The following WDR70 variants were observed in gnomAD, a reference collection of about 807,000 sequenced individuals.
WDR70 encodes WD repeat domain 70.
WDR70 carries 53 observed loss-of-function variants against 88.6 expected under a neutral mutation model. That is an observed-to-expected ratio of 0.60 (90% CI 0.48 to 0.75). WDR70 has a LOEUF of 0.75. Ranked by LOEUF, WDR70 falls within the 30% of genes least tolerant of loss-of-function variation. WDR70 has a pLI of 0.00. For missense variants in WDR70, 610 were observed against 823.2 expected (o/e 0.74, Z 3.17); for synonymous variants, 280 against 270.0 (o/e 1.04, Z -0.36).
intron 7 of WDR70, among the ~76,000 whole-genome samples, chr5:37,452,730 G>T (rs540516935): frequency 5.9e-5 from 9 of 152,320 alleles, no homozygotes; most frequent in African/African-American, 2.2e-4. Flanking sequence ...CTGTCTTGAA[G>T]ATATGGAAAC....
chr5:37,731,583 AT>A (rs1748145859), intron 17 of WDR70, among the ~76,000 whole-genome samples: 2 of 152,076 alleles, frequency 1.3e-5, no homozygotes, highest in African/African-American at 4.8e-5. Context: ...AGTATTTTCC[AT>A]TATTATTAGG....
At chr5:37,469,657 G>A (rs777288432) in intron 7 of WDR70, among the ~76,000 whole-genome samples, 2 of 152,320 alleles carry the variant, frequency 1.3e-5, no homozygotes, top group South Asian at 4.1e-4. Context: ...AGATGCTAAA[G>A]AGTAGTTGCT....
At chr5:37,408,404 G>C in intron 5 of WDR70, among the ~76,000 whole-genome samples, 1 of 152,192 alleles carries the variant, frequency 6.6e-6, no homozygotes, top group Non-Finnish European at 1.5e-5. Context: ...AACCTGGGAG[G>C]TGGAGGTTCC....
chr5:37,701,179 A>G (rs1236385411), intron 12 of WDR70, 37 bp downstream of exon 12: 6 of 1,288,444 alleles, frequency 4.7e-6, no homozygotes. Flanking sequence ...TCAGCATAGA[A>G]GAATGGAAAA....
In WDR70 at chr5:37,636,039, T is replaced by G. The variant is rs186742568; in HGVS notation, c.1092+30801T>G. Among the ~76,000 whole-genome samples, 405 of 152,330 alleles carry G rather than the reference T, an allele frequency of 2.7e-3. 2 individuals carry two copies. The highest frequency in any genetic ancestry group is 6.8e-3 in the Middle Eastern group (2 of 294). ...TGAGGCCTCCCTAGCCCTGTGGAAC[T>G]GTAAGTCAATTAAACCTCTTTCCTT... On this transcript the variant is annotated intron_variant, in intron 10 of 17. Transcript: ENST00000265107.
chr5:37,380,388 G>T (rs1369170189), intron 2 of WDR70, among the ~76,000 whole-genome samples: 4 of 152,052 alleles, frequency 2.6e-5, no homozygotes, highest in African/African-American at 9.7e-5. Flanking sequence ...GCCCAGGCTG[G>T]AGTGCGGTGG....
intron 5 of WDR70, among the ~76,000 whole-genome samples, chr5:37,413,614 G>C (rs1749593914): frequency 2.0e-5 from 3 of 151,896 alleles, no homozygotes; most frequent in Admixed American, 2.0e-4. Context: ...CCAGCTACTT[G>C]GGAGGCTGAG....
chr5:37,646,072 G>A (rs1329974849), intron 10 of WDR70, among the ~76,000 whole-genome samples: 1 of 151,620 alleles, frequency 6.6e-6, no homozygotes, highest in Non-Finnish European at 1.5e-5. Flanking sequence ...TTTAGTGAAG[G>A]TGATTTTCTC....
rs190640461 is a variant in WDR70, at chr5:37,456,873, G to C, written c.686+13501G>C. ...AAGGGATATTTGAAAACTAAAACTA[G>C]CCAAAGGAAATGAATTAATAGGTAA... On this transcript the variant is annotated intron_variant, in intron 7 of 17. Transcript: ENST00000265107. Among the ~76,000 whole-genome samples the C allele has an allele frequency of 2.8e-3, 423 of 152,178 alleles. 2 individuals are homozygous for C. Among genetic ancestry groups the C allele is most frequent in the African/African-American group, 9.7e-3 (404 of 41,512 alleles).
chr5:37,487,621 ATATGTATT>A (rs1374430918), intron 8 of WDR70, among the ~76,000 whole-genome samples: 183 of 37,686 alleles, frequency 4.9e-3, no homozygotes, highest in Non-Finnish European at 6.8e-3. Context: ...ATATATATAT[ATATGTATT>A]TTTTTTTTTT....
intron 9 of WDR70, among the ~76,000 whole-genome samples, chr5:37,574,259 T>G (rs572959274): frequency 2.0e-5 from 3 of 152,266 alleles, no homozygotes; most frequent in African/African-American, 7.2e-5. Context: ...AGGGAAGTAT[T>G]TGTCCTTAAC....
chr5:37,476,657 TCTC>T (rs1432306800), intron 7 of WDR70, among the ~76,000 whole-genome samples: 1 of 152,076 alleles, frequency 6.6e-6, no homozygotes, highest in Non-Finnish European at 1.5e-5. Flanking sequence ...ATCAAGCAGT[TCTC>T]CTGCCTCAGC....
At chr5:37,470,691 A>G (rs920056316) in intron 7 of WDR70, among the ~76,000 whole-genome samples, 8 of 152,206 alleles carry the variant, frequency 5.3e-5, no homozygotes, top group African/African-American at 7.2e-5. Flanking sequence ...GTGCTACTGT[A>G]TGAATATATA....
intron 8 of WDR70, among the ~76,000 whole-genome samples, chr5:37,486,471 G>A (rs1739874287): frequency 6.8e-6 from 1 of 147,522 alleles, no homozygotes; most frequent in African/African-American, 2.5e-5. Flanking sequence ...AGCATCCTGA[G>A]TAGCCGGGAT....
chr5:37,411,435 T>G (rs1749520478), intron 5 of WDR70, among the ~76,000 whole-genome samples: 1 of 152,156 alleles, frequency 6.6e-6, no homozygotes, highest in Non-Finnish European at 1.5e-5. Context: ...ACAAATGATT[T>G]TTTTTTTTGG....
At chr5:37,416,755 A>ATTTTTGTAG (rs1185013076) in intron 5 of WDR70, among the ~76,000 whole-genome samples, 1 of 151,700 alleles carries the variant, frequency 6.6e-6, no homozygotes, top group Non-Finnish European at 1.5e-5. Context: ...AATTTTTGTA[A>ATTTTTGTAG]TTTTAGTAGA....
chr5:37,677,539 G>T (rs1746271166), intron 10 of WDR70, among the ~76,000 whole-genome samples: 1 of 152,216 alleles, frequency 6.6e-6, no homozygotes, highest in Admixed American at 6.5e-5. Flanking sequence ...ATGTAGTTGA[G>T]CGGTTGTGAG....
intron 10 of WDR70, among the ~76,000 whole-genome samples, chr5:37,610,676 T>TA (rs1204371782): frequency 6.6e-6 from 1 of 152,132 alleles, no homozygotes; most frequent in Non-Finnish European, 1.5e-5. Context: ...AAGTAGTTTG[T>TA]AAAAAATTCA....
At chr5:37,448,225 C>T (rs981859868) in intron 7 of WDR70, among the ~76,000 whole-genome samples, 4 of 152,068 alleles carry the variant, frequency 2.6e-5, no homozygotes, top group Non-Finnish European at 5.9e-5. Flanking sequence ...TAGTAGGAGT[C>T]CTTGATTGCT....
Sources: allele counts gnomAD v4.1 joint callset (sites outside exome capture counted in the v4.1 genomes callset), GRCh38; gene constraint gnomAD v4.1.1; transcripts MANE v1.5; gene names NCBI Gene and HGNC (gene_info 2026-07-23, HGNC 2026-07-21).